Variants in NAA15 observed in about 807,000 individuals in gnomAD.
NAA15 encodes the protein N-terminal acetyltransferase.
Under a neutral mutation model 114.0 loss-of-function variants are expected in NAA15, and 34 were observed. The ratio of observed to expected loss-of-function variants is 0.30; its 90% CI spans 0.23 to 0.40. NAA15 has a LOEUF of 0.40. Among genes scored for constraint, NAA15 ranks in the 10% least tolerant of loss-of-function variants. NAA15 has a pLI of 1.00. For synonymous variants in NAA15, 340 were observed against 338.0 expected, an observed-to-expected ratio of 1.01 and a Z score of -0.06; for missense variants, 658 against 1,004.5, an observed-to-expected ratio of 0.66 and a Z score of 4.66.
At chr4:139,343,773 A>T (rs991125160) in intron 5 of NAA15, among the ~76,000 whole-genome samples, 2 of 152,220 alleles carry the variant, frequency 1.3e-5, no homozygotes, top group African/African-American at 4.8e-5. Flanking sequence ...GCAGTTTGAG[A>T]CTGAATAGCC....
At chr4:139,320,257 G>A (rs1746551285) in intron 1 of NAA15, among the ~76,000 whole-genome samples, 1 of 152,174 alleles carries the variant, frequency 6.6e-6, no homozygotes, top group African/African-American at 2.4e-5. Flanking sequence ...TTGGGATGTT[G>A]TTCTAATGTC....
intron 10 of NAA15, among the ~76,000 whole-genome samples, chr4:139,355,229 A>G (rs1246348933): frequency 6.6e-6 from 1 of 151,942 alleles, no homozygotes; most frequent in Non-Finnish European, 1.5e-5. Flanking sequence ...TCACATTTCC[A>G]GTTATGTTAT....
At position 139,387,897 on chromosome 4, in the gene NAA15, T is replaced by C; in HGVS notation, c.2414T>C (p.Val805Ala). ...TTCTTTCCTTAGACATGTATGGAGG[T>C]ATTGGAAGCCTTGTATGATGGTAGC... ...TNRNLQTCMEVLEALYDGSLG... is the reference protein window; with the variant it reads ...TNRNLQTCMEALEALYDGSLG... The change falls in exon 20 of 20, where the codon GTA becomes GCA. Residue 805 changes from valine to alanine, a missense_variant. This residue lies in a region of NAA15 where 275 missense variants were observed against 371.1 expected (regional missense o/e 0.74). Coordinates refer to ENST00000296543, the MANE Select transcript of NAA15 (RefSeq NM_057175.5). 6.2e-7 allele frequency: 1 copy of C among 1,613,858 alleles called. No homozygotes were observed. Among genetic ancestry groups the C allele is most frequent in the Non-Finnish European group, 8.5e-7 (1 of 1,179,854 alleles).
At chr4:139,322,992 C>T (rs1321764768) in intron 1 of NAA15, among the ~76,000 whole-genome samples, 2 of 151,532 alleles carry the variant, frequency 1.3e-5, no homozygotes, top group African/African-American at 2.4e-5. Flanking sequence ...CTCCCAGCCT[C>T]AGCTTAGTAT....
chr4:139,379,788 A>G (rs1295492456), intron 17 of NAA15, among the ~76,000 whole-genome samples: 1 of 152,186 alleles, frequency 6.6e-6, no homozygotes, highest in African/African-American at 2.4e-5. Context: ...TCACACCTGT[A>G]ATCCCAGCAT....
intron 1 of NAA15, among the ~76,000 whole-genome samples, chr4:139,329,986 C>T (rs1347144478): frequency 6.6e-6 from 1 of 152,208 alleles, no homozygotes; most frequent in African/African-American, 2.4e-5. Context: ...TCATGGTTCA[C>T]AGTCTTGCGC....
At chr4:139,330,387 A>G (rs1746961466) in intron 1 of NAA15, among the ~76,000 whole-genome samples, 1 of 152,222 alleles carries the variant, frequency 6.6e-6, no homozygotes, top group African/African-American at 2.4e-5. Context: ...GATGAATGAT[A>G]GCTCTCAAGT....
At chr4:139,350,184 T>C (rs1747731839) in intron 7 of NAA15, among the ~76,000 whole-genome samples, 1 of 151,986 alleles carries the variant, frequency 6.6e-6, no homozygotes, top group Non-Finnish European at 1.5e-5. Flanking sequence ...GGCTCACACT[T>C]GTGATCCCAG....
At chr4:139,351,146 A>G (rs762325556) in intron 7 of NAA15, 45 bp from the exon 8 acceptor site, 4 of 980,726 alleles carry the variant, frequency 4.1e-6, no homozygotes, top group Non-Finnish European at 5.8e-6. Flanking sequence ...GAAAAAATAT[A>G]CAATTTATGA....
intron 6 of NAA15, among the ~76,000 whole-genome samples, chr4:139,348,960 C>T (rs1260576653): frequency 6.6e-6 from 1 of 152,122 alleles, no homozygotes; most frequent in Non-Finnish European, 1.5e-5. Context: ...GACAGTTAAG[C>T]TTAAAATAGG....
At position 139,378,813 on chromosome 4, in the gene NAA15, AT is replaced by A; in HGVS notation, c.2115del (p.Trp707GlyfsTer6). 1 of 1,554,844 alleles carries A rather than the reference AT, an allele frequency of 6.4e-7. No homozygotes were observed. Among genetic ancestry groups the A allele is most frequent in the Non-Finnish European group, 8.6e-7 (1 of 1,162,166 alleles). On this transcript the variant is annotated frameshift_variant, in exon 17 of 20. Transcript: ENST00000296543. LOFTEE classifies it high-confidence loss of function. ...AGGGCATTTGCTATTGATTCTAGTC[AT>A]CCCTGGCTTCATGAGTGTATGATTC... ...VKRAFAIDSS[H>X]PWLHECMIRL...
intron 17 of NAA15, among the ~76,000 whole-genome samples, chr4:139,380,804 T>C (rs1034011687): frequency 1.3e-5 from 2 of 152,202 alleles, no homozygotes; most frequent in African/African-American, 4.8e-5. Context: ...TCATTGCCTT[T>C]ATTGAAAACG....
intron 1 of NAA15, among the ~76,000 whole-genome samples, chr4:139,319,476 C>T (rs1335069679): frequency 6.6e-6 from 1 of 151,970 alleles, no homozygotes; most frequent in Non-Finnish European, 1.5e-5. Flanking sequence ...CTCGCTGTTG[C>T]CAACACTGCA....
In NAA15 at chr4:139,349,599, T is replaced by G. The variant is rs770828355; in HGVS notation, c.811+18T>G. On this transcript the variant is annotated intron_variant, in intron 7 of 19. Transcript: ENST00000296543. ...CAAGCCAGGTAGTATTGTTTAAAACTTACTAAGTTTTATTGTTTCTTTTGT... is the reference window on the plus strand; with the variant it reads ...CAAGCCAGGTAGTATTGTTTAAAACGTACTAAGTTTTATTGTTTCTTTTGT... The G allele has an allele frequency of 4.4e-6, 7 of 1,581,498 alleles. No individual in the cohort carries two copies. The South Asian group carries it at 8.3e-5, about 19-fold the overall frequency.
chr4:139,339,324 G>T (rs1016107274), intron 3 of NAA15, among the ~76,000 whole-genome samples: 3 of 151,870 alleles, frequency 2.0e-5, no homozygotes, highest in African/African-American at 7.3e-5. Flanking sequence ...GTGAGACCTC[G>T]TCTCTATGGA....
intron 6 of NAA15, among the ~76,000 whole-genome samples, chr4:139,344,750 A>AC (rs756659127): frequency 1.3e-5 from 2 of 152,168 alleles, no homozygotes; most frequent in Non-Finnish European, 2.9e-5. Flanking sequence ...ATATTGATGA[A>AC]TCAGTCTTTA....
chr4:139,378,778 A>C lies in NAA15; in HGVS notation c.2079A>C (p.Gln693His), dbSNP rs999046772. 1 of 1,559,632 alleles carries C rather than the reference A, an allele frequency of 6.4e-7. No homozygotes were observed. The highest frequency in any genetic ancestry group is 1.7e-4 in the Middle Eastern group (1 of 5,894). The change falls in exon 17 of 20, where the codon CAA becomes CAC. Residue 693 changes from glutamine (Q) to histidine (H), a missense_variant. Gln to His is a conservative substitution (Grantham distance 24, BLOSUM62 0). Transcript: ENST00000296543. The stretch of plus-strand genomic sequence containing the variant: ...TAGAAAAGTTTCTTTTGATGCTACA[A>C]TCAGTAAAGAGGGCATTTGCTATTG... ...FRKEKFLLMLQSVKRAFAIDS... is the reference protein window; with the variant it reads ...FRKEKFLLMLHSVKRAFAIDS...
At chr4:139,357,897 G>A (rs144926341) in intron 11 of NAA15, among the ~76,000 whole-genome samples, 10 of 152,146 alleles carry the variant, frequency 6.6e-5, no homozygotes, top group Admixed American at 2.0e-4. Flanking sequence ...TAAAATTTGA[G>A]TATGATAACA....
chr4:139,385,270 C>CAT lies in NAA15; in HGVS notation c.2302+304_2302+305dup, dbSNP rs796143862. On this transcript the variant is annotated intron_variant, in intron 18 of 19. Coordinates refer to ENST00000296543, the MANE Select transcript of NAA15 (RefSeq NM_057175.5). ...TGTTTCAAATCAAAACAAAACCAAA[C>CAT]ATATATATATATAATATATATATAT... is the stretch of plus-strand genomic sequence containing the variant. Among the ~76,000 whole-genome samples the CAT allele has an allele frequency of 3.3e-4, 30 of 91,784 alleles. No individual in the cohort carries two copies. The South Asian group carries it at 7.5e-3, about 23-fold the overall frequency. 60.2% of individuals were successfully genotyped at this position (91,784 alleles called of 152,430 possible). A position where few individuals can be genotyped will look rare whatever the true frequency, so the allele number is the denominator to read the frequency against.
Sources: allele counts gnomAD v4.1 joint callset (sites outside exome capture counted in the v4.1 genomes callset), GRCh38; gene constraint gnomAD v4.1.1; regional missense constraint gnomAD v4.1.1; transcripts MANE v1.5; gene names NCBI Gene and HGNC (gene_info 2026-07-23, HGNC 2026-07-21).